C12orf56: variants seen among roughly 807,000 people sequenced by gnomAD.
C12orf56 encodes uncharacterized protein C12orf56.
In C12orf56, 71 loss-of-function variants were observed where a neutral mutation model predicts 69.9. The observed-to-expected ratio is 1.02, with a 90% CI of 0.84 to 1.24. C12orf56 has a LOEUF of 1.24. Ranked by LOEUF, C12orf56 falls within the 50% of genes most tolerant of loss-of-function variation. The probability of loss-of-function intolerance (pLI) is 0.00; values close to 1 mark genes in which losing one functional copy is unlikely to be tolerated. For synonymous variants in C12orf56, 276 were observed against 274.1 expected (o/e 1.01, Z -0.07); for missense variants, 732 against 738.5 (o/e 0.99, Z 0.10).
chr12:64,389,694 A>G (rs2039842214), intron 1 of C12orf56, among the ~76,000 whole-genome samples: 1 of 152,042 alleles, frequency 6.6e-6, no homozygotes, highest in African/African-American at 2.4e-5. Context: ...ACGGCGTTTC[A>G]CCATGTTGGC....
chr12:64,371,035 A>G (rs2039563728), intron 1 of C12orf56, among the ~76,000 whole-genome samples: 1 of 152,170 alleles, frequency 6.6e-6, no homozygotes, highest in African/African-American at 2.4e-5. Context: ...GAACCCAGAA[A>G]TAAACCCACA....
rs1306726641 is a variant in C12orf56 at position 64,277,716 on chromosome 12, A to G, written c.1398T>C (p.Ala466=). 14 of 1,596,582 alleles carry G rather than the reference A, an allele frequency of 8.8e-6. No individual in the cohort carries two copies. Among genetic ancestry groups the G allele is most frequent in the Non-Finnish European group, 1.2e-5 (14 of 1,170,178 alleles). ...AAGACATTCTGACTAAAGCTGAATC[A>G]GCCACCAACTGGATATCAAACACAG... ...SCPVFDIQLV[A]DSALVRMSFD... The change falls in exon 9 of 13, where the codon GCT becomes GCC. Residue 466 remains alanine, a synonymous_variant. Coordinates refer to ENST00000543942, the MANE Select transcript of C12orf56 (RefSeq NM_001170633.2).
Position 64,275,360 on chromosome 12 carries a change from T to A in C12orf56, c.1447A>T (p.Ile483Phe). The A allele has an allele frequency of 7.2e-7, 1 of 1,393,636 alleles. No homozygotes were observed. The highest frequency in any genetic ancestry group is 9.5e-7 in the Non-Finnish European group (1 of 1,050,658). 86.3% of individuals were successfully genotyped at this position (1,393,636 alleles called of 1,614,324 possible). A position where few individuals can be genotyped will look rare whatever the true frequency, so the allele number is the denominator to read the frequency against. The change falls in exon 10 of 13, where the codon ATT becomes TTT. Residue 483 changes from isoleucine (I) to phenylalanine (F), a missense_variant. Physicochemically the swap from Ile to Phe is conservative, Grantham distance 21. Transcript: ENST00000543942. ...GTAGCAGTATTTGTATACTCCAGAA[T>A]AAGCTTCTGTAACTAGAATTTTCAA... is the stretch of plus-strand genomic sequence containing the variant. Reference protein sequence around the residue: ...MSFDAELQKLILEYTNTATAL... With the variant: ...MSFDAELQKLFLEYTNTATAL...
At chr12:64,283,162 A>T (rs1010727586) in intron 8 of C12orf56, among the ~76,000 whole-genome samples, 2 of 151,576 alleles carry the variant, frequency 1.3e-5, no homozygotes, top group Non-Finnish European at 2.9e-5. Context: ...AGAAAAAAGA[A>T]AGAAAGAAAA....
rs911782635 is a variant in C12orf56, at chr12:64,303,453, A to G, written c.1113+182T>C. Reference sequence around the variant, plus strand: ...TCCCATCTCCCCTCCACACACACATATACATTACTGATTGCATCACAAAGT... The same window carrying G: ...TCCCATCTCCCCTCCACACACACATGTACATTACTGATTGCATCACAAAGT... On this transcript the variant is annotated intron_variant, in intron 6 of 12. Coordinates refer to ENST00000543942, the MANE Select transcript of C12orf56 (RefSeq NM_001170633.2). Among the ~76,000 whole-genome samples the G allele has an allele frequency of 2.0e-5, 3 of 151,110 alleles. No homozygotes were observed. In the South Asian group the frequency reaches 6.4e-4, roughly 32 times the overall value.
chr12:64,272,433 A>C (rs5015814), intron 11 of C12orf56, among the ~76,000 whole-genome samples: 106,636 of 151,668 alleles, frequency 0.7, 38,680 homozygotes, highest in Non-Finnish European at 0.8. Context: ...TGAACCCAGG[A>C]GGTGGAGGTT....
chr12:64,323,559 C>T (rs1415131364), intron 3 of C12orf56, among the ~76,000 whole-genome samples: 2 of 97,272 alleles, frequency 2.1e-5, no homozygotes, highest in African/African-American at 8.8e-5. Flanking sequence ...CTACTGCAAA[C>T]ATTTCCTTTT....
At position 64,275,347 on chromosome 12, in the gene C12orf56, G is replaced by GTA; in HGVS notation, c.1458_1459dup (p.Thr487IlefsTer33). On this transcript the variant is annotated frameshift_variant, in exon 10 of 13. Coordinates refer to ENST00000543942, the MANE Select transcript of C12orf56 (RefSeq NM_001170633.2). LOFTEE classifies it high-confidence loss of function. Reference sequence around the variant, plus strand: ...ATATAAAAGTGCTGTAGCAGTATTTGTATACTCCAGAATAAGCTTCTGTAA... The same window carrying GTA: ...ATATAAAAGTGCTGTAGCAGTATTTGTATATACTCCAGAATAAGCTTCTGTAA... The GTA allele has an allele frequency of 7.0e-7, 1 of 1,433,930 alleles. No individual in the cohort carries two copies. The highest frequency in any genetic ancestry group is 9.3e-7 in the Non-Finnish European group (1 of 1,077,904). The allele number at this position is 1,433,930 out of a possible 1,614,324, so 88.8% of individuals were successfully genotyped here.
At chr12:64,271,987 C>A (rs1031926101) in intron 11 of C12orf56, among the ~76,000 whole-genome samples, 49 of 152,126 alleles carry the variant, frequency 3.2e-4, no homozygotes, top group African/African-American at 9.7e-5. Context: ...TTCATCCTTA[C>A]ATGCTTCATG....
chr12:64,348,277 G>GA (rs890249304), intron 2 of C12orf56, among the ~76,000 whole-genome samples: 5 of 151,612 alleles, frequency 3.3e-5, no homozygotes, highest in African/African-American at 7.3e-5. Context: ...GACTCCATAT[G>GA]AAAAAAAAGC....
chr12:64,367,234 G>A (rs9738271), intron 1 of C12orf56, among the ~76,000 whole-genome samples: 9,157 of 18,976 alleles, frequency 0.48, 3,196 homozygotes, highest in Middle Eastern at 0.67. Context: ...TATATTATAT[G>A]TAATATACAG....
At chr12:64,295,138 C>T (rs1161199237) in intron 6 of C12orf56, among the ~76,000 whole-genome samples, 1 of 152,120 alleles carries the variant, frequency 6.6e-6, no homozygotes, top group Non-Finnish European at 1.5e-5. Flanking sequence ...TCGCCTTGGC[C>T]TCCCAATGTG....
intron 2 of C12orf56, 141 bp downstream of exon 2, chr12:64,352,753 T>A (rs2039247213): frequency 1.5e-6 from 1 of 650,766 alleles, no homozygotes; most frequent in Non-Finnish European, 2.3e-6. Context: ...TGTGTCCCCA[T>A]GCCTAAATTT....
chr12:64,340,794 C>G (rs775150360), intron 2 of C12orf56, among the ~76,000 whole-genome samples: 5 of 152,192 alleles, frequency 3.3e-5, no homozygotes, highest in Non-Finnish European at 7.3e-5. Context: ...TTCTACTACC[C>G]ATTCTGTATT....
At chr12:64,309,190 G>C (rs531591451) in intron 5 of C12orf56, among the ~76,000 whole-genome samples, 1 of 152,250 alleles carries the variant, frequency 6.6e-6, no homozygotes, top group East Asian at 1.9e-4. Context: ...GTGGCATTAA[G>C]TTAATTCACA....
intron 1 of C12orf56, among the ~76,000 whole-genome samples, chr12:64,386,880 A>G (rs1016246256): frequency 1.5e-5 from 2 of 131,940 alleles, no homozygotes; most frequent in Admixed American, 7.6e-5. Flanking sequence ...GGAGTTTGAG[A>G]CCAGCCTGAC....
chr12:64,272,084 C>T (rs1017025914), intron 11 of C12orf56, among the ~76,000 whole-genome samples: 1 of 152,168 alleles, frequency 6.6e-6, no homozygotes, highest in African/African-American at 2.4e-5. Flanking sequence ...AGCCAGAGTA[C>T]AGTGGCACAT....
intron 1 of C12orf56, 113 bp from the exon 2 acceptor site, chr12:64,353,169 A>T (rs2039257954): frequency 4.9e-6 from 5 of 1,029,720 alleles, no homozygotes; most frequent in East Asian, 2.6e-5. Flanking sequence ...ATATATATAT[A>T]TTTTTCAAAA....
Position 64,277,681 on chromosome 12 carries a change from T to C in C12orf56, c.1433A>G (p.Glu478Gly). ...SALVRMSFDA[E>G]LQKLILEYTN... Reference sequence around the variant, plus strand: ...TTACCCCCCAAATTCTCATCTCACCTCAGCGTCAAAAGACATTCTGACTAA... The same window carrying C: ...TTACCCCCCAAATTCTCATCTCACCCCAGCGTCAAAAGACATTCTGACTAA... The change falls in exon 9 of 13, where the codon GAG becomes GGG. Residue 478 changes from glutamate to glycine, a missense_variant and splice_region_variant. Physicochemically the swap from Glu to Gly is moderately conservative, Grantham distance 98. Transcript: ENST00000543942. 1.3e-6 allele frequency: 2 copies of C among 1,534,844 alleles called. No homozygotes were observed. Among genetic ancestry groups the C allele is most frequent in the Non-Finnish European group, 1.8e-6 (2 of 1,137,980 alleles).
Sources: allele counts gnomAD v4.1 joint callset (sites outside exome capture counted in the v4.1 genomes callset), GRCh38; gene constraint gnomAD v4.1.1; transcripts MANE v1.5; gene names NCBI Gene and HGNC (gene_info 2026-07-23, HGNC 2026-07-21).